The following ASTN2 variants were observed in gnomAD, a reference collection of about 807,000 sequenced individuals.
The protein encoded by ASTN2 is astrotactin-2.
ASTN2 carries 54 observed loss-of-function variants against 139.8 expected under a neutral mutation model. The ratio of observed to expected loss-of-function variants is 0.39; its 90% confidence interval spans 0.31 to 0.48. ASTN2 has a LOEUF of 0.48. ASTN2 is among the 20% of genes least tolerant of loss of function. The pLI, the probability that ASTN2 is intolerant of heterozygous loss-of-function variation, is 0.95. For synonymous variants in ASTN2, 756 were observed against 719.5 expected, an observed-to-expected ratio of 1.05 and a Z score of -0.81; for missense variants, 1,565 against 1,725.1, an observed-to-expected ratio of 0.91 and a Z score of 1.64.
chr9:116,575,464 C>G (rs1481676528), intron 19 of ASTN2, among the ~76,000 whole-genome samples: 1 of 152,060 alleles, frequency 6.6e-6, no homozygotes, highest in Admixed American at 6.6e-5. Context: ...ATCCAGACCA[C>G]CTTAAATTCT....
At chr9:116,460,899 G>C (rs149618292) in intron 20 of ASTN2, among the ~76,000 whole-genome samples, 3 of 152,044 alleles carry the variant, frequency 2.0e-5, no homozygotes, top group Admixed American at 6.6e-5. Context: ...CTTAACAAAT[G>C]GTAACAGCAC....
intron 16 of ASTN2, among the ~76,000 whole-genome samples, chr9:116,693,995 G>A (rs1860706197): frequency 6.6e-6 from 1 of 152,128 alleles, no homozygotes; most frequent in African/African-American, 2.4e-5. Context: ...GCTTTTTCCA[G>A]GTTTGAGACT....
intron 6 of ASTN2, among the ~76,000 whole-genome samples, chr9:117,031,374 T>C (rs1413246247): frequency 3.3e-5 from 5 of 152,142 alleles, no homozygotes; most frequent in Admixed American, 2.0e-4. Context: ...AGTTAGAACA[T>C]GAATAAGCTG....
intron 20 of ASTN2, among the ~76,000 whole-genome samples, chr9:116,455,513 A>T (rs1422994301): frequency 6.6e-6 from 1 of 152,162 alleles, no homozygotes; most frequent in African/African-American, 2.4e-5. Context: ...AAGAAATAAG[A>T]AAATCAACAA....
At chr9:116,678,109 T>C (rs1027865413) in intron 16 of ASTN2, among the ~76,000 whole-genome samples, 8 of 152,234 alleles carry the variant, frequency 5.3e-5, no homozygotes, top group African/African-American at 1.4e-4. Context: ...TTTTAAAGAT[T>C]ATTGGTAAAA....
Position 117,215,472 on chromosome 9 carries a change from T to TATATATATATATATA in ASTN2, c.631-731_631-730insTATATATATATATAT, listed in dbSNP as rs1554792028. On this transcript the variant is annotated intron_variant, in intron 2 of 22. Transcript: ENST00000313400. ...ATAAGAATTTCAAGGTCAACTGATATATATATATATAATGTGTATATATAT... is the reference window on the plus strand; with the variant it reads ...ATAAGAATTTCAAGGTCAACTGATATATATATATATATATAATATATATATAATGTGTATATATAT... Among the ~76,000 whole-genome samples the TATATATATATATATA allele has an allele frequency of 1.2e-3, 168 of 145,072 alleles. 2 individuals carry two copies. Among genetic ancestry groups the TATATATATATATATA allele is most frequent in the African/African-American group, 4.1e-3 (159 of 38,778 alleles).
At position 116,513,628 on chromosome 9, in the gene ASTN2, C is replaced by T. The variant is rs1345523008; in HGVS notation, c.3356-26128G>A. Among the ~76,000 whole-genome samples the T allele has an allele frequency of 3.3e-5, 5 of 152,314 alleles. No individual in the cohort carries two copies. In the East Asian group the frequency reaches 7.7e-4, roughly 24 times the overall value. On this transcript the variant is annotated intron_variant, in intron 19 of 22. Transcript: ENST00000313400. The stretch of plus-strand genomic sequence containing the variant: ...TTGGTTCCATTCTCCCTGTCACTTT[C>T]AGGTACACCTATCAGACGTAGATTT...
chr9:117,396,557 T>C (rs1830681428), intron 1 of ASTN2, among the ~76,000 whole-genome samples: 1 of 151,754 alleles, frequency 6.6e-6, no homozygotes, highest in Non-Finnish European at 1.5e-5. Flanking sequence ...ATGGGGTACA[T>C]GAGATGTTTT....
chr9:116,529,862 C>A (rs1424878675), intron 19 of ASTN2, among the ~76,000 whole-genome samples: 1 of 151,902 alleles, frequency 6.6e-6, no homozygotes, highest in African/African-American at 2.4e-5. Flanking sequence ...TGAGGCCTTC[C>A]CAGCCATGGG....
chr9:117,183,242 G>A (rs571008390), intron 3 of ASTN2, among the ~76,000 whole-genome samples: 52 of 152,276 alleles, frequency 3.4e-4, no homozygotes, highest in Middle Eastern at 3.4e-3. Flanking sequence ...AAAGGGTCAC[G>A]CCAGCACTTT....
intron 1 of ASTN2, among the ~76,000 whole-genome samples, chr9:117,320,488 G>A (rs950823358): frequency 2.0e-5 from 3 of 152,234 alleles, no homozygotes; most frequent in Admixed American, 6.5e-5. Flanking sequence ...TGAGGGGTAA[G>A]GATTACTATA....
intron 1 of ASTN2, among the ~76,000 whole-genome samples, chr9:117,413,349 G>A (rs536531338): frequency 1.2e-3 from 177 of 152,334 alleles, no homozygotes; most frequent in African/African-American, 4.0e-3. Flanking sequence ...TGCCCGAGGC[G>A]GATCCCGCCG....
intron 1 of ASTN2, among the ~76,000 whole-genome samples, chr9:117,325,842 T>G (rs1474592993): frequency 6.6e-6 from 1 of 152,074 alleles, no homozygotes; most frequent in Non-Finnish European, 1.5e-5. Context: ...TCCTTAATAA[T>G]CATCTAATCC....
At chr9:117,300,732 G>T (rs770745166) in intron 1 of ASTN2, among the ~76,000 whole-genome samples, 1 of 152,202 alleles carries the variant, frequency 6.6e-6, no homozygotes, top group Admixed American at 6.5e-5. Flanking sequence ...CACCCGTGGG[G>T]ACAGAAGGTG....
At chr9:116,626,637 G>A (rs1856477667) in intron 17 of ASTN2, among the ~76,000 whole-genome samples, 1 of 152,026 alleles carries the variant, frequency 6.6e-6, no homozygotes, top group Admixed American at 6.5e-5. Context: ...CAGTGGGGTT[G>A]ATACCTTTTT....
At chr9:116,528,681 C>T (rs755289445) in intron 19 of ASTN2, among the ~76,000 whole-genome samples, 15 of 152,326 alleles carry the variant, frequency 9.8e-5, no homozygotes, top group Admixed American at 3.9e-4. Flanking sequence ...CATCACAAGC[C>T]TGGAGGCCTA....
intron 2 of ASTN2, among the ~76,000 whole-genome samples, chr9:117,287,529 T>A (rs181629696): frequency 1.9e-3 from 289 of 152,320 alleles, no homozygotes; most frequent in African/African-American, 6.7e-3. Context: ...GTGATCAATG[T>A]CACGTAGATA....
chr9:117,056,700 C>A (rs6478276), intron 5 of ASTN2, among the ~76,000 whole-genome samples: 70,878 of 152,050 alleles, frequency 0.47, 17,187 homozygotes, highest in East Asian at 0.72. Flanking sequence ...CCTGGAAGCC[C>A]CTATGTTCAC....
intron 19 of ASTN2, 132 bp from the exon 20 acceptor site, chr9:116,487,632 T>A: frequency 1.1e-6 from 1 of 919,556 alleles, no homozygotes; most frequent in Non-Finnish European, 1.6e-6. Flanking sequence ...AAGCAAAAGA[T>A]ATGAAAATGA....
Sources: allele counts gnomAD v4.1 joint callset (sites outside exome capture counted in the v4.1 genomes callset), GRCh38; gene constraint gnomAD v4.1.1; transcripts MANE v1.5; gene names NCBI Gene and HGNC (gene_info 2026-07-23, HGNC 2026-07-21).